The following AIG1 variants were observed in gnomAD, a reference collection of about 807,000 sequenced individuals.
AIG1 encodes androgen-induced gene 1 protein.
A neutral mutation model predicts 31.4 loss-of-function variants in AIG1; 23 were observed. The ratio of observed to expected loss-of-function variants is 0.73; its 90% confidence interval spans 0.53 to 1.04. The LOEUF (loss-of-function observed/expected upper bound fraction) is 1.04. Ranked by LOEUF, AIG1 falls within the 50% of genes least tolerant of loss-of-function variation. AIG1 has a pLI of 0.00. For missense variants in AIG1, 274 were observed against 295.0 expected (o/e 0.93, Z 0.52); for synonymous variants, 100 against 110.5 (o/e 0.90, Z 0.60).
At chr6:143,199,173 T>C (rs997361388) in intron 3 of AIG1, among the ~76,000 whole-genome samples, 1 of 152,174 alleles carries the variant, frequency 6.6e-6, no homozygotes, top group African/African-American at 2.4e-5. Context: ...ATAAAATGAT[T>C]GCAATGAATT....
intron 2 of AIG1, among the ~76,000 whole-genome samples, chr6:143,140,005 G>A (rs1411283707): frequency 6.6e-6 from 1 of 152,148 alleles, no homozygotes; most frequent in Non-Finnish European, 1.5e-5. Flanking sequence ...CGAGACTTGA[G>A]TAATTTATAA....
In AIG1 at chr6:143,099,136, C is replaced by A. The variant is rs964850679; in HGVS notation, c.142-37699C>A. ...TTCACTTACCATTTAGGATAATAAC[C>A]ATATAATATTTTTCGATTCCACCAA... On this transcript the variant is annotated intron_variant, in intron 1 of 5. Transcript: ENST00000357847. 1.7e-4 allele frequency among the ~76,000 whole-genome samples: 26 copies of A among 152,234 alleles called. 1 individual carries two copies. The highest frequency in any genetic ancestry group is 6.3e-4 in the African/African-American group (26 of 41,534).
chr6:143,330,860 A>G lies in AIG1; in HGVS notation c.516-2422A>G, dbSNP rs1479910365. 3.3e-5 allele frequency among the ~76,000 whole-genome samples: 5 copies of G among 152,268 alleles called. No individual in the cohort carries two copies. In the East Asian group the frequency reaches 9.6e-4, roughly 29 times the overall value. Reference sequence around the variant, plus strand: ...TCCTTACATTATTTAAGACAATGTCAGAATGATGAAACTGCTTCTAATTTA... The same window carrying G: ...TCCTTACATTATTTAAGACAATGTCGGAATGATGAAACTGCTTCTAATTTA... On this transcript the variant is annotated intron_variant, in intron 4 of 5. Coordinates refer to ENST00000357847, the MANE Select transcript of AIG1 (RefSeq NM_016108.4). This position sits in a 1 kb window ranked among gnomAD's most constrained non-coding sequence, Gnocchi z 4.4.
At chr6:143,283,718 T>C (rs540137472) in intron 3 of AIG1, among the ~76,000 whole-genome samples, 1 of 152,248 alleles carries the variant, frequency 6.6e-6, no homozygotes, top group East Asian at 1.9e-4. Context: ...CAAAACAGAA[T>C]TGCACACACA....
chr6:143,273,122 T>C (rs1178379327), intron 3 of AIG1, among the ~76,000 whole-genome samples: 1 of 152,020 alleles, frequency 6.6e-6, no homozygotes, highest in African/African-American at 2.4e-5. Context: ...GAGTGAGACT[T>C]CGTCTCAAAA....
chr6:143,315,879 T>C (rs1775700049), intron 4 of AIG1, among the ~76,000 whole-genome samples: 1 of 151,898 alleles, frequency 6.6e-6, no homozygotes, highest in South Asian at 2.1e-4. Flanking sequence ...TCTCAAAATA[T>C]GATAAAACTA....
chr6:143,256,725 G>T lies in AIG1; in HGVS notation c.400-27385G>T, dbSNP rs2128653388. Among the ~76,000 whole-genome samples the T allele has an allele frequency of 6.6e-6, 1 of 152,280 alleles. No homozygotes were observed. The highest frequency in any genetic ancestry group is 2.4e-5 in the African/African-American group (1 of 41,558). ...TGATTCCCCACTTCATTGGCAGTTTGTAGCAAATTCTTATTTTCTTTGTTT... is the reference window on the plus strand; with the variant it reads ...TGATTCCCCACTTCATTGGCAGTTTTTAGCAAATTCTTATTTTCTTTGTTT... On this transcript the variant is annotated intron_variant, in intron 3 of 5. Transcript: ENST00000357847. This position sits in a 1 kb window ranked among gnomAD's most constrained non-coding sequence, Gnocchi z 4.6.
At chr6:143,266,832 G>A (rs529386707) in intron 3 of AIG1, among the ~76,000 whole-genome samples, 27 of 152,250 alleles carry the variant, frequency 1.8e-4, no homozygotes, top group African/African-American at 6.3e-4. Context: ...TTAGCCCTAC[G>A]CAGGAGGCTG....
chr6:143,255,004 A>G (rs1583638795), intron 3 of AIG1, among the ~76,000 whole-genome samples: 1 of 152,006 alleles, frequency 6.6e-6, no homozygotes, highest in East Asian at 1.9e-4. Flanking sequence ...ATTCTGCTGC[A>G]CTCCAGCCTG....
intron 3 of AIG1, among the ~76,000 whole-genome samples, chr6:143,238,520 C>G (rs951779020): frequency 1.3e-5 from 2 of 152,188 alleles, no homozygotes; most frequent in Admixed American, 6.5e-5. Context: ...CTAAGCCAAT[C>G]ATAACTTGTC....
At chr6:143,176,446 G>A (rs1045563231) in intron 3 of AIG1, among the ~76,000 whole-genome samples, 4 of 152,182 alleles carry the variant, frequency 2.6e-5, no homozygotes, top group Admixed American at 6.5e-5. Flanking sequence ...TTCCAGGACG[G>A]GTAGAGAAAG....
chr6:143,188,478 G>A, intron 3 of AIG1: 4 of 985,336 alleles, frequency 4.1e-6, no homozygotes, highest in South Asian at 4.7e-5. Context: ...GCACTGGAAG[G>A]TCTCCTTCAG....
intron 3 of AIG1, among the ~76,000 whole-genome samples, chr6:143,277,771 A>G (rs780168515): frequency 6.6e-6 from 1 of 152,258 alleles, no homozygotes; most frequent in Non-Finnish European, 1.5e-5. Flanking sequence ...CCTGGTGTTC[A>G]TATGATATGG....
rs1450043148 is a variant in AIG1, at chr6:143,291,090, G to A, written c.515+6865G>A. Among the ~76,000 whole-genome samples, 3 of 152,190 alleles carry A rather than the reference G, an allele frequency of 2.0e-5. No individual in the cohort carries two copies. Among genetic ancestry groups the A allele is most frequent in the African/African-American group, 7.2e-5 (3 of 41,454 alleles). On this transcript the variant is annotated intron_variant, in intron 4 of 5. Transcript: ENST00000357847. The surrounding 1 kb of genome is among the most constrained non-coding windows in gnomAD (Gnocchi z 4.2). ...CTGGTAAATAATAGCTATGAGGCAG[G>A]AATTTAGGAAGCTGACTCGTTAGCC...
At chr6:143,244,309 G>A (rs1157653505) in intron 3 of AIG1, among the ~76,000 whole-genome samples, 1 of 152,220 alleles carries the variant, frequency 6.6e-6, no homozygotes, top group Non-Finnish European at 1.5e-5. Flanking sequence ...GGACTTTGCA[G>A]GTGCTTCCCC....
intron 3 of AIG1, among the ~76,000 whole-genome samples, chr6:143,244,798 C>G (rs948974315): frequency 1.3e-5 from 2 of 152,164 alleles, no homozygotes; most frequent in African/African-American, 4.8e-5. Flanking sequence ...GTTAATTCCT[C>G]TTTTTTTGAA....
At chr6:143,342,062 A>T (rs1462648498), downstream of AIG1, among the ~76,000 whole-genome samples, 2 of 152,174 alleles carry the variant, frequency 1.3e-5, no homozygotes, top group Non-Finnish European at 2.9e-5. Flanking sequence ...AGTAGCTGGG[A>T]TTGCAGGCAT....
At chr6:143,147,799 G>A (rs138338695) in intron 2 of AIG1, among the ~76,000 whole-genome samples, 14 of 152,178 alleles carry the variant, frequency 9.2e-5, no homozygotes, top group African/African-American at 3.1e-4. Context: ...GCTTCTCACC[G>A]TAGCCCTTCC....
chr6:143,088,550 G>A (rs1295284461), intron 1 of AIG1, among the ~76,000 whole-genome samples: 1 of 152,202 alleles, frequency 6.6e-6, no homozygotes, highest in Non-Finnish European at 1.5e-5. Flanking sequence ...AGTAACTGGG[G>A]ACTGGAGAGT....
Sources: allele counts gnomAD v4.1 joint callset (sites outside exome capture counted in the v4.1 genomes callset), GRCh38; gene constraint gnomAD v4.1.1; non-coding constraint Gnocchi (gnomAD v3.1); transcripts MANE v1.5; gene names NCBI Gene and HGNC (gene_info 2026-07-23, HGNC 2026-07-21).